The following EPG5 variants were observed in gnomAD, a reference collection of about 807,000 sequenced individuals.
The protein encoded by EPG5 is ectopic P-granules 5 autophagy tethering factor.
Under a neutral mutation model 302.7 loss-of-function variants are expected in EPG5, and 159 were observed. The ratio of observed to expected loss-of-function variants is 0.53; its 90% CI spans 0.46 to 0.60. EPG5 has a LOEUF of 0.60. Ranked by LOEUF, EPG5 falls within the 20% of genes least tolerant of loss-of-function variation. The pLI, the probability that EPG5 is intolerant of heterozygous loss-of-function variation, is 0.00. For synonymous variants in EPG5, 1,158 were observed against 1,136.8 expected (o/e 1.02, Z -0.37); for missense variants, 2,896 against 3,092.4 (o/e 0.94, Z 1.51).
At chr18:45,928,814 G>T (rs2050333250) in intron 13 of EPG5, 55 bp downstream of exon 13, 4 of 1,557,324 alleles carry the variant, frequency 2.6e-6, no homozygotes, top group Admixed American at 1.8e-5. Context: ...TTTTGCCAAT[G>T]TTCCATTACT....
rs547566466 is a variant in EPG5, at chr18:45,955,393, G to A, written c.64-55C>T. 27 of 1,262,604 alleles carry A rather than the reference G, an allele frequency of 2.1e-5. No homozygotes were observed. In the South Asian group the frequency reaches 4.0e-4, roughly 19 times the overall value. The allele number at this position is 1,262,604 out of a possible 1,614,324, so 78.2% of individuals were successfully genotyped here. A position where few individuals can be genotyped will look rare whatever the true frequency, so the allele number is the denominator to read the frequency against. On this transcript the variant is annotated intron_variant, in intron 1 of 43. Coordinates refer to ENST00000282041, the MANE Select transcript of EPG5 (RefSeq NM_020964.3). ...TTTATCACAATAATTAATGCTTTCA[G>A]CAGGAGGAATTTTAAAGTTGCACAT...
At chr18:45,934,126 T>C (rs2050463221) in intron 11 of EPG5, among the ~76,000 whole-genome samples, 1 of 151,760 alleles carries the variant, frequency 6.6e-6, no homozygotes, top group African/African-American at 2.4e-5. Context: ...ATGTCTCTAC[T>C]AAAAATACAA....
At chr18:45,918,022 A>G (rs1170310101) in intron 16 of EPG5, among the ~76,000 whole-genome samples, 1 of 152,224 alleles carries the variant, frequency 6.6e-6, no homozygotes, top group Non-Finnish European at 1.5e-5. Flanking sequence ...TTTTCATTGT[A>G]TGGATGAGGA....
intron 27 of EPG5, among the ~76,000 whole-genome samples, chr18:45,898,803 T>G (rs1455904798): frequency 6.6e-6 from 1 of 152,128 alleles, no homozygotes; most frequent in Non-Finnish European, 1.5e-5. Flanking sequence ...ATTTCCAAAT[T>G]CCTTCTAACT....
At chr18:45,910,828 C>T in intron 22 of EPG5, 86 bp from the exon 23 acceptor site, 1 of 993,468 alleles carries the variant, frequency 1.0e-6, no homozygotes. Context: ...ATTAGCAAGG[C>T]AATTTACTGT....
intron 20 of EPG5, among the ~76,000 whole-genome samples, chr18:45,915,080 AC>A (rs1329598886): frequency 6.6e-6 from 1 of 152,124 alleles, no homozygotes; most frequent in Non-Finnish European, 1.5e-5. Flanking sequence ...GGAGTTCGAG[AC>A]CAGCCTGACC....
At chr18:45,815,304 A>T in the EPG5 span, among the ~76,000 whole-genome samples, 1 of 152,146 alleles carries the variant, frequency 6.6e-6, no homozygotes, top group Admixed American at 6.6e-5. Context: ...CTATGAATGG[A>T]GCTGGGTGGA....
intron 11 of EPG5, among the ~76,000 whole-genome samples, chr18:45,933,151 G>T (rs1249102751): frequency 1.3e-5 from 2 of 152,136 alleles, no homozygotes; most frequent in Non-Finnish European, 2.9e-5. Flanking sequence ...ACAGACAATG[G>T]CTGTGAGACC....
intron 39 of EPG5, among the ~76,000 whole-genome samples, chr18:45,862,664 T>C (rs2048660335): frequency 6.6e-6 from 1 of 152,236 alleles, no homozygotes; most frequent in Non-Finnish European, 1.5e-5. Context: ...TTACTCTCAC[T>C]CTGCGTTCTG....
At chr18:45,881,467 G>A (rs2049096011) in intron 31 of EPG5, among the ~76,000 whole-genome samples, 1 of 152,066 alleles carries the variant, frequency 6.6e-6, no homozygotes, top group African/African-American at 2.4e-5. Context: ...AGGTCCTTTG[G>A]GCAACCCGAT....
chr18:45,959,204 G>GCA (rs2051094496), intron 1 of EPG5, among the ~76,000 whole-genome samples: 1 of 152,212 alleles, frequency 6.6e-6, no homozygotes, highest in Non-Finnish European at 1.5e-5. Context: ...AGCCAGGCAT[G>GCA]GTGGCTGGCA....
At chr18:45,818,180 A>G in the EPG5 span, among the ~76,000 whole-genome samples, 3 of 152,162 alleles carry the variant, frequency 2.0e-5, no homozygotes, top group African/African-American at 4.8e-5. Context: ...TAAATACTTG[A>G]CCAGTCCCTG....
the EPG5 span, among the ~76,000 whole-genome samples, chr18:45,822,683 A>G: frequency 6.6e-6 from 1 of 152,226 alleles, no homozygotes. Flanking sequence ...TGTGTTGATT[A>G]AAATGCTTTT....
chr18:45,900,404 C>CAA (rs375366452), intron 26 of EPG5, among the ~76,000 whole-genome samples: 1,435 of 111,494 alleles, frequency 0.013, 29 homozygotes, highest in African/African-American at 0.045. Context: ...GACTCTGTCT[C>CAA]AAAAAAAAAA....
intron 26 of EPG5, 56 bp downstream of exon 26, chr18:45,900,940 C>G (rs2049599254): frequency 6.4e-7 from 1 of 1,555,772 alleles, no homozygotes; most frequent in East Asian, 2.3e-5. Context: ...GCAAATTATC[C>G]AGGCTGTCAA....
At chr18:45,916,694 CAA>C (rs567535210) in intron 17 of EPG5, 112 bp from the exon 18 acceptor site, 10 of 1,143,150 alleles carry the variant, frequency 8.7e-6, no homozygotes, top group African/African-American at 1.6e-5. Context: ...ATTTTTCGAC[CAA>C]AGCACTATTT....
intron 2 of EPG5, chr18:45,953,700 C>T (rs2050961478): frequency 1.0e-6 from 1 of 985,350 alleles, no homozygotes; most frequent in Non-Finnish European, 1.2e-6. Context: ...CTCTGTGTTA[C>T]ACATCAGGGA....
rs374326658 is a variant in EPG5, at chr18:45,878,446, G to A, written c.5872C>T (p.Leu1958=). ...QDPTASRKTV[L]KSLHSVIIQL... is the part of the protein sequence containing the mutation. ...ATGATTACTGAATGTAGGGATTTCA[G>A]CACTAAAAAGTTTTAGAGACAAAAC... The change falls in exon 34 of 44, where the codon CTG becomes TTG. Residue 1958 remains leucine (L), a splice_region_variant and synonymous_variant. Transcript: ENST00000282041. The A allele has an allele frequency of 9.3e-6, 15 of 1,608,798 alleles. No individual in the cohort carries two copies. Among genetic ancestry groups the A allele is most frequent in the Non-Finnish European group, 1.2e-5 (14 of 1,176,558 alleles).
intron 9 of EPG5, among the ~76,000 whole-genome samples, chr18:45,940,954 T>C (rs1599620530): frequency 6.6e-6 from 1 of 152,188 alleles, no homozygotes; most frequent in African/African-American, 2.4e-5. Flanking sequence ...TAATGAGTCA[T>C]CCAAGTGGAG....
Sources: allele counts gnomAD v4.1 joint callset (sites outside exome capture counted in the v4.1 genomes callset), GRCh38; gene constraint gnomAD v4.1.1; transcripts MANE v1.5; gene names NCBI Gene and HGNC (gene_info 2026-07-23, HGNC 2026-07-21).